Variants in SLC30A9 observed in about 807,000 individuals in gnomAD.
SLC30A9 encodes the protein solute carrier family 30 member 9, also known as proton-coupled zinc antiporter SLC30A9, mitochondrial.
In SLC30A9, 58 loss-of-function variants were observed where a neutral mutation model predicts 87.5. The ratio of observed to expected loss-of-function variants is 0.66; its 90% CI spans 0.54 to 0.82. SLC30A9 has a LOEUF of 0.82. Ranked by LOEUF, SLC30A9 falls within the 40% of genes least tolerant of loss-of-function variation. The pLI, the probability that SLC30A9 is intolerant of heterozygous loss-of-function variation, is 0.00. For missense variants in SLC30A9, 557 were observed against 679.1 expected (o/e 0.82, Z 2.00); for synonymous variants, 234 against 233.0 (o/e 1.00, Z -0.04).
intron 9 of SLC30A9, among the ~76,000 whole-genome samples, chr4:42,055,593 A>C (rs938057288): frequency 1.3e-5 from 2 of 152,124 alleles, no homozygotes; most frequent in African/African-American, 4.8e-5. Context: ...TCACCATGTT[A>C]GCCTTACAAT....
chr4:42,043,380 C>T (rs1048915795), intron 8 of SLC30A9, among the ~76,000 whole-genome samples: 5 of 151,958 alleles, frequency 3.3e-5, no homozygotes, highest in Admixed American at 6.6e-5. Context: ...ACATAAATGA[C>T]CTGATGGAGC....
In SLC30A9 at chr4:42,022,093, G is replaced by A. The variant is rs1252231495; in HGVS notation, c.435-745G>A. 8.1e-5 allele frequency among the ~76,000 whole-genome samples: 6 copies of A among 73,798 alleles called. 1 individual carries two copies. Among genetic ancestry groups the A allele is most frequent in the Admixed American group, 3.7e-4 (2 of 5,462 alleles). The allele number at this position is 73,798 out of a possible 152,430, so 48.4% of individuals were successfully genotyped here. On this transcript the variant is annotated intron_variant, in intron 4 of 17. Coordinates refer to ENST00000264451, the MANE Select transcript of SLC30A9 (RefSeq NM_006345.4). The stretch of plus-strand genomic sequence containing the variant: ...TGGGACTACAGGCGCCCGCCACCAC[G>A]CCCGGCTAATTTTTGTATTTTTAGT...
At chr4:41,997,421 T>C (rs1288454097) in intron 1 of SLC30A9, among the ~76,000 whole-genome samples, 1 of 152,130 alleles carries the variant, frequency 6.6e-6, no homozygotes, top group Non-Finnish European at 1.5e-5. Context: ...AATTTAGCTA[T>C]GGACACATTC....
intron 14 of SLC30A9, among the ~76,000 whole-genome samples, chr4:42,069,813 CAGA>C (rs1322787066): frequency 1.3e-5 from 2 of 152,192 alleles, no homozygotes; most frequent in Non-Finnish European, 2.9e-5. Context: ...ATATTAGAAT[CAGA>C]ATCACCTGAA....
At chr4:41,993,839 T>A (rs1341051909) in intron 1 of SLC30A9, among the ~76,000 whole-genome samples, 1 of 152,202 alleles carries the variant, frequency 6.6e-6, no homozygotes, top group African/African-American at 2.4e-5. Flanking sequence ...GGGCTGGTGA[T>A]GTATACAACC....
chr4:42,086,710 A>G lies in SLC30A9; in HGVS notation c.*584A>G, dbSNP rs1238303723. The G allele has an allele frequency of 1.3e-5, 2 of 152,672 alleles. No homozygotes were observed. The highest frequency in any genetic ancestry group is 2.4e-5 in the African/African-American group (1 of 41,460). 9.5% of individuals were successfully genotyped at this position (152,672 alleles called of 1,614,324 possible). ...CTTACCTAGTTATCTACAAATGTTC[A>G]TTCCAGAAATGTTTAGTTACTGAAT... On this transcript the variant is annotated 3_prime_UTR_variant, in exon 18 of 18. Coordinates refer to ENST00000264451, the MANE Select transcript of SLC30A9 (RefSeq NM_006345.4).
intron 6 of SLC30A9, among the ~76,000 whole-genome samples, chr4:42,026,470 G>T (rs777619827): frequency 2.5e-4 from 38 of 152,136 alleles, no homozygotes; most frequent in Non-Finnish European, 2.2e-4. Context: ...TGATAATCAG[G>T]CTGACTTTAT....
chr4:42,061,257 T>A (rs1178037407), intron 10 of SLC30A9, among the ~76,000 whole-genome samples: 1 of 152,244 alleles, frequency 6.6e-6, no homozygotes, highest in African/African-American at 2.4e-5. Context: ...ATTGAGCACT[T>A]GAAATGTGGC....
At chr4:42,047,614 C>T (rs1447760742) in intron 8 of SLC30A9, among the ~76,000 whole-genome samples, 1 of 152,202 alleles carries the variant, frequency 6.6e-6, no homozygotes, top group Non-Finnish European at 1.5e-5. Context: ...AATAGGAACA[C>T]TTTTACACTG....
rs778859416 is a variant in SLC30A9, at chr4:42,035,301, A to G, written c.637A>G (p.Arg213Gly). The G allele has an allele frequency of 1.6e-5, 26 of 1,602,572 alleles. No individual in the cohort carries two copies. In the South Asian group the frequency reaches 1.9e-4, roughly 12 times the overall value. Reference sequence around the variant, plus strand: ...GCTATTTAGAAACCAAAAAATATTAAGAGAATACAGAGATTTCTTGGGAAA... The same window carrying G: ...GCTATTTAGAAACCAAAAAATATTAGGAGAATACAGAGATTTCTTGGGAAA... ...ERLFRNQKIL[R>G]EYRDFLGNTK... is the part of the protein sequence containing the mutation. Residue 213 changes from arginine to glycine, a missense_variant, in exon 7 of 18, where the codon AGA (arginine) becomes GGA (glycine). Physicochemically the swap from Arg to Gly is moderately radical, Grantham distance 125. Transcript: ENST00000264451.
At chr4:42,033,663 C>T (rs1006864628) in intron 6 of SLC30A9, among the ~76,000 whole-genome samples, 1 of 152,060 alleles carries the variant, frequency 6.6e-6, no homozygotes. Flanking sequence ...GCAACCTCCG[C>T]CTCCTGGGTT....
At chr4:42,071,916 A>G (rs1718326432) in intron 15 of SLC30A9, among the ~76,000 whole-genome samples, 1 of 152,168 alleles carries the variant, frequency 6.6e-6, no homozygotes, top group Non-Finnish European at 1.5e-5. Flanking sequence ...GTATCTGGAT[A>G]TGAGCTTTGC....
intron 6 of SLC30A9, among the ~76,000 whole-genome samples, chr4:42,033,870 C>T (rs149736210): frequency 1.4e-4 from 21 of 152,152 alleles, no homozygotes; most frequent in African/African-American, 2.9e-4. Context: ...CCACCGTGCC[C>T]GGCTGCTCTT....
At chr4:41,992,090 G>A (rs1577672031) in intron 1 of SLC30A9, among the ~76,000 whole-genome samples, 1 of 152,084 alleles carries the variant, frequency 6.6e-6, no homozygotes, top group Non-Finnish European at 1.5e-5. Flanking sequence ...TCCTCAGGAA[G>A]ATTGTAAACC....
At chr4:42,055,547 C>T (rs187857307) in intron 9 of SLC30A9, among the ~76,000 whole-genome samples, 10 of 152,230 alleles carry the variant, frequency 6.6e-5, no homozygotes, top group Admixed American at 4.6e-4. Context: ...CCACCACGCC[C>T]GGCTAGTTTT....
chr4:42,068,245 CTTTT>C (rs59683160), intron 14 of SLC30A9, among the ~76,000 whole-genome samples: 3 of 142,294 alleles, frequency 2.1e-5, no homozygotes, highest in South Asian at 2.2e-4. Context: ...GAACTTAACT[CTTTT>C]TTTTTTTTTT....
chr4:42,012,069 T>G (rs200002447), intron 2 of SLC30A9, among the ~76,000 whole-genome samples: 2 of 152,122 alleles, frequency 1.3e-5, no homozygotes, highest in East Asian at 3.9e-4. Flanking sequence ...ATGAGAATTT[T>G]TCAGAATTTG....
At position 42,067,117 on chromosome 4, in the gene SLC30A9, A is replaced by G; in HGVS notation, c.1177A>G (p.Ile393Val). 1 of 1,612,570 alleles carries G rather than the reference A, an allele frequency of 6.2e-7. No individual in the cohort carries two copies. The highest frequency in any genetic ancestry group is 8.5e-7 in the Non-Finnish European group (1 of 1,178,876). Reference sequence around the variant, plus strand: ...AAGTCGTGATCCTAGTACAAATGTGATATTATTGGAGGATACTGCTGCAGT... The same window carrying G: ...AAGTCGTGATCCTAGTACAAATGTGGTATTATTGGAGGATACTGCTGCAGT... ...MESRDPSTNV[I>V]LLEDTAAVLG... Residue 393 changes from isoleucine to valine, a missense_variant, in exon 14 of 18, where the codon ATA becomes GTA. Ile to Val is a conservative substitution (Grantham distance 29). Transcript: ENST00000264451.
rs868864102 is a variant in SLC30A9, at chr4:42,038,932, G to T, written c.670-54G>T. 1.2e-5 allele frequency: 15 copies of T among 1,292,300 alleles called. No homozygotes were observed. In the South Asian group the frequency reaches 1.8e-4, roughly 16 times the overall value. The allele number at this position is 1,292,300 out of a possible 1,614,324, so 80.1% of individuals were successfully genotyped here. On this transcript the variant is annotated intron_variant, in intron 7 of 17. Transcript: ENST00000264451. ...TGGTCTGTCAAAGCCACCAGTTACA[G>T]TGCTTCTCTGCAAAATTTTGGAGGT... is the stretch of plus-strand genomic sequence containing the variant.
Sources: allele counts gnomAD v4.1 joint callset (sites outside exome capture counted in the v4.1 genomes callset), GRCh38; gene constraint gnomAD v4.1.1; transcripts MANE v1.5; gene names NCBI Gene and HGNC (gene_info 2026-07-23, HGNC 2026-07-21).